RPLP0: variants seen among roughly 807,000 people sequenced by gnomAD.
RPLP0 encodes ribosomal protein lateral stalk subunit P0.
For synonymous variants in RPLP0, 137 were observed against 153.4 expected (o/e 0.89, Z 0.79); for missense variants, 276 against 402.9 (o/e 0.69, Z 2.70).
At chr12:120,197,582 G>T (rs760448548) in intron 6 of RPLP0, 120 bp from the exon 7 acceptor site, 22 of 1,180,114 alleles carry the variant, frequency 1.9e-5, no homozygotes, top group Non-Finnish European at 2.5e-5. Flanking sequence ...TCAGTCTCAA[G>T]AGAGGCCATT....
Position 120,198,407 on chromosome 12 carries a change from C to A in RPLP0, c.651+147G>T. ...TCTCCAAAAAAAAAAAAAAAAAATCCTTCAACAATCTTATGTTGTTACTGA... is the reference window on the plus strand; with the variant it reads ...TCTCCAAAAAAAAAAAAAAAAAATCATTCAACAATCTTATGTTGTTACTGA... On this transcript the variant is annotated intron_variant, in intron 6 of 7. Transcript: ENST00000392514. This position sits in a 1 kb window ranked among gnomAD's most constrained non-coding sequence, Gnocchi z 4.1. The A allele has an allele frequency of 2.4e-6, 2 of 827,654 alleles. No homozygotes were observed. The highest frequency in any genetic ancestry group is 1.8e-6 in the Non-Finnish European group (1 of 543,588). 51.3% of individuals were successfully genotyped at this position (827,654 alleles called of 1,614,324 possible). A position where few individuals can be genotyped will look rare whatever the true frequency, so the allele number is the denominator to read the frequency against.
rs374029073 is a variant in RPLP0 at position 120,200,800 on chromosome 12, G to A, written c.-17C>T. ...CCTGGGCATCACGGCGGTGCGTCAG[G>A]GATTGCCACGCAGGGTTTAAAGACG... is the stretch of plus-strand genomic sequence containing the variant. On this transcript the variant is annotated 5_prime_UTR_variant, in exon 2 of 8. Transcript: ENST00000392514. 5 of 1,609,184 alleles carry A rather than the reference G, an allele frequency of 3.1e-6. No homozygotes were observed. Among genetic ancestry groups the A allele is most frequent in the Middle Eastern group, 2.2e-4 (1 of 4,632 alleles).
intron 2 of RPLP0, chr12:120,200,088 GCTGACAGGTC>G (rs1566328611): frequency 4.4e-6 from 2 of 456,080 alleles, no homozygotes; most frequent in Admixed American, 4.7e-5. Flanking sequence ...AAGTTTCTTG[GCTGACAGGTC>G]CTAAATATGC....
chr12:120,200,954 C>T, intron 1 of RPLP0, 123 bp from the exon 2 acceptor site: 2 of 1,251,258 alleles, frequency 1.6e-6, no homozygotes, highest in South Asian at 3.3e-5. Flanking sequence ...GCCGTCATCT[C>T]GGGGCGTGCA....
At chr12:120,197,712 C>T in intron 6 of RPLP0, 1 of 497,502 alleles carries the variant, frequency 2.0e-6, no homozygotes, top group Non-Finnish European at 3.6e-6. Flanking sequence ...AAAGCCCCTA[C>T]CACAACAGTG....
chr12:120,200,692 G>T, intron 2 of RPLP0, 38 bp downstream of exon 2: 1 of 1,595,536 alleles, frequency 6.3e-7, no homozygotes, highest in Non-Finnish European at 8.5e-7. Context: ...TTGCGCTGGG[G>T]CAACATGAAG....
chr12:120,198,973 T>C lies in RPLP0; in HGVS notation c.346A>G (p.Ile116Val). 6.2e-7 allele frequency: 1 copy of C among 1,614,092 alleles called. No homozygotes were observed. The highest frequency in any genetic ancestry group is 8.5e-7 in the Non-Finnish European group (1 of 1,179,982). ...GGCACAGTGACTTCACATGGGGCAATGGCACCAGCACGGGCAGCAGCTGGC... is the reference window on the plus strand; with the variant it reads ...GGCACAGTGACTTCACATGGGGCAACGGCACCAGCACGGGCAGCAGCTGGC... ...KVPAAARAGAIAPCEVTVPAQ... is the reference protein window; with the variant it reads ...KVPAAARAGAVAPCEVTVPAQ... Residue 116 changes from isoleucine (I) to valine (V), a missense_variant, in exon 5 of 8, where the codon ATT (isoleucine) becomes GTT (valine). Transcript: ENST00000392514. The surrounding 1 kb of genome is among the most constrained non-coding windows in gnomAD (Gnocchi z 4.1).
rs145859622 is a variant in RPLP0, at chr12:120,199,015, A to G, written c.319-15T>C. 612 of 1,614,046 alleles carry G rather than the reference A, an allele frequency of 3.8e-4. 1 individual carries two copies. In the African/African-American group the frequency reaches 7.3e-3, roughly 19 times the overall value. ...GCAGCTGGCACCTGACAAAGACAAC[A>G]AACAGTGAGAAAAGCCTCTCCACTC... On this transcript the variant is annotated splice_polypyrimidine_tract_variant and intron_variant, in intron 4 of 7. Transcript: ENST00000392514.
Position 120,198,755 on chromosome 12 carries a change from G to A in RPLP0, c.466-16C>T, listed in dbSNP as rs1466029178. The A allele has an allele frequency of 6.2e-7, 1 of 1,613,264 alleles. No individual in the cohort carries two copies. Among genetic ancestry groups the A allele is most frequent in the Admixed American group, 1.7e-5 (1 of 60,018 alleles). On this transcript the variant is annotated splice_polypyrimidine_tract_variant and intron_variant, in intron 5 of 7. Coordinates refer to ENST00000392514, the MANE Select transcript of RPLP0 (RefSeq NM_001002.4). The surrounding 1 kb of genome is among the most constrained non-coding windows in gnomAD (Gnocchi z 4.1). ...GCACATCACTCTGAACCAGATAATA[G>A]TGGGGCAGTAAACACCTGTTGGACA...
intron 1 of RPLP0, 37 bp from the exon 2 acceptor site, chr12:120,200,868 G>C: frequency 6.5e-7 from 1 of 1,543,476 alleles, no homozygotes; most frequent in Non-Finnish European, 8.7e-7. Flanking sequence ...TGGTCACGCC[G>C]ACACCCATCC....
chr12:120,197,351 T>C lies in RPLP0; in HGVS notation c.763A>G (p.Thr255Ala), dbSNP rs1879220411. ...TCAGCAAGTGGGAAGGTGTAATCCG[T>C]CTCCACAGACAAGGCCAGGACTCGT... The part of the protein sequence containing the change: ...YKRVLALSVE[T>A]DYTFPLAEKV... The change falls in exon 7 of 8, where the codon ACG becomes GCG. Residue 255 changes from threonine (T) to alanine (A), a missense_variant. Physicochemically the swap from Thr to Ala is moderately conservative, Grantham distance 58. Transcript: ENST00000392514. The C allele has an allele frequency of 2.5e-6, 4 of 1,613,880 alleles. No individual in the cohort carries two copies. The East Asian group carries it at 6.7e-5, about 27-fold the overall frequency.
chr12:120,200,944 G>A (rs1879434357), intron 1 of RPLP0, 113 bp from the exon 2 acceptor site: 2 of 1,324,774 alleles, frequency 1.5e-6, no homozygotes, highest in African/African-American at 1.5e-5. Context: ...TAGGGCAGCG[G>A]CCGTCATCTC....
Position 120,196,838 on chromosome 12 carries a change from T to C in RPLP0, c.889A>G (p.Lys297Glu), listed in dbSNP as rs1393506650. Reference protein sequence around the residue: ...AAPAAAAAPAKVEAKEESEES... With the variant: ...AAPAAAAAPAEVEAKEESEES... ...TCCGACTCTTCCTTGGCTTCAACCT[T>C]AGCTGGGGCTGCAGCAGCAGCAGGA... Residue 297 changes from lysine to glutamate, a missense_variant, in exon 8 of 8, where the codon AAG (lysine) becomes GAG (glutamate). Lys to Glu is a moderately conservative substitution (Grantham distance 56, BLOSUM62 1). Coordinates refer to ENST00000392514, the MANE Select transcript of RPLP0 (RefSeq NM_001002.4). 7 of 1,609,592 alleles carry C rather than the reference T, an allele frequency of 4.3e-6. No individual in the cohort carries two copies. The African/African-American group carries it at 9.4e-5, about 22-fold the overall frequency.
At chr12:120,197,544 A>T in intron 6 of RPLP0, 82 bp from the exon 7 acceptor site, 1 of 1,514,244 alleles carries the variant, frequency 6.6e-7, no homozygotes. Flanking sequence ...GAGAACCCTT[A>T]GCAGACAATA....
At chr12:120,197,512 A>G in intron 6 of RPLP0, 50 bp from the exon 7 acceptor site, 1 of 1,588,770 alleles carries the variant, frequency 6.3e-7, no homozygotes, top group Non-Finnish European at 8.6e-7. Context: ...CAGGAAAGGA[A>G]GTCCAAGTAA....
At chr12:120,200,217 C>A (rs769826434) in intron 2 of RPLP0, 4 of 408,430 alleles carry the variant, frequency 9.8e-6, no homozygotes, top group East Asian at 1.5e-4. Flanking sequence ...GTAATCCTAG[C>A]ACTTAGGGAG....
intron 2 of RPLP0, chr12:120,200,278 C>G: frequency 2.8e-6 from 1 of 352,362 alleles, no homozygotes; most frequent in Non-Finnish European, 5.6e-6. Flanking sequence ...TCCTGGCCAA[C>G]ATGGTGAATC....
rs747200774 is a variant in RPLP0, at chr12:120,199,398, G to A, written c.142C>T (p.Arg48Cys). 50 of 1,614,118 alleles carry A rather than the reference G, an allele frequency of 3.1e-5. No homozygotes were observed. The highest frequency in any genetic ancestry group is 4.2e-5 in the Non-Finnish European group (50 of 1,180,036). ...KQMQQIRMSL[R>C]GKAVVLMGKN... is the part of the protein sequence containing the mutation. ...CCCATCAGCACCACAGCCTTCCCGC[G>A]AAGGGACATGCGGATCTGCTGCATC... Residue 48 changes from arginine to cysteine, a missense_variant, in exon 3 of 8, where the codon CGC becomes TGC. Physicochemically the swap from Arg to Cys is radical, Grantham distance 180. Transcript: ENST00000392514.
In RPLP0 at chr12:120,198,585, G is replaced by A. The variant is rs1336976200; in HGVS notation, c.620C>T (p.Thr207Ile). The A allele has an allele frequency of 6.2e-7, 1 of 1,614,104 alleles. No individual in the cohort carries two copies. Among genetic ancestry groups the A allele is most frequent in the Non-Finnish European group, 8.5e-7 (1 of 1,180,042 alleles). ...GAAGCGAGAATGCAGAGTTTCCTCT[G>A]TGATATCAAGCACTTCAGGGTTGTA... ...SIYNPEVLDI[T>I]EETLHSRFLE... The change falls in exon 6 of 8, where the codon ACA becomes ATA. Residue 207 changes from threonine (T) to isoleucine (I), a missense_variant. Transcript: ENST00000392514. This position sits in a 1 kb window ranked among gnomAD's most constrained non-coding sequence, Gnocchi z 4.1.
Sources: allele counts gnomAD v4.1 joint callset, GRCh38; gene constraint gnomAD v4.1.1; non-coding constraint Gnocchi (gnomAD v3.1); transcripts MANE v1.5; gene names NCBI Gene and HGNC (gene_info 2026-07-23, HGNC 2026-07-21).